Variants in RAPGEF6 observed in about 807,000 individuals in gnomAD.
The protein encoded by RAPGEF6 is Rap guanine nucleotide exchange factor 6.
RAPGEF6 carries 56 observed loss-of-function variants against 171.4 expected under a neutral mutation model. The observed-to-expected ratio is 0.33, with a 90% CI of 0.26 to 0.41. The LOEUF (loss-of-function observed/expected upper bound fraction) is 0.41, where lower values mean the gene tolerates loss of function less well. Ranked by LOEUF, RAPGEF6 falls within the 10% of genes least tolerant of loss-of-function variation. RAPGEF6 has a pLI of 1.00. For missense variants in RAPGEF6, 1,674 were observed against 1,921.4 expected (o/e 0.87, Z 2.41); for synonymous variants, 692 against 650.1 (o/e 1.06, Z -0.98).
intron 3 of RAPGEF6, among the ~76,000 whole-genome samples, chr5:131,596,799 T>C (rs1763931213): frequency 6.6e-6 from 1 of 151,798 alleles, no homozygotes; most frequent in African/African-American, 2.4e-5. Flanking sequence ...TGGAAGAAAA[T>C]AGGGGAAAAT....
At chr5:131,456,982 C>G (rs1753556708) in intron 19 of RAPGEF6, among the ~76,000 whole-genome samples, 1 of 152,198 alleles carries the variant, frequency 6.6e-6, no homozygotes, top group Non-Finnish European at 1.5e-5. Context: ...ATGTCTGCAG[C>G]TGAAGATACC....
chr5:131,481,374 T>C (rs914133696), intron 15 of RAPGEF6, among the ~76,000 whole-genome samples: 1 of 151,658 alleles, frequency 6.6e-6, no homozygotes, highest in Non-Finnish European at 1.5e-5. Flanking sequence ...ATTACAGGAG[T>C]GTGCCACCAT....
intron 9 of RAPGEF6, 144 bp from the exon 10 acceptor site, chr5:131,505,666 C>T (rs1435247729): frequency 2.9e-6 from 2 of 697,746 alleles, no homozygotes; most frequent in African/African-American, 1.8e-5. Flanking sequence ...TCTGTAACAC[C>T]CTATGCTTTG....
At chr5:131,512,939 A>G (rs981324237) in intron 7 of RAPGEF6, among the ~76,000 whole-genome samples, 1 of 152,194 alleles carries the variant, frequency 6.6e-6, no homozygotes, top group African/African-American at 2.4e-5. Flanking sequence ...AGCCTCAAGA[A>G]TAGTGAGAAA....
rs139051676 is a variant in RAPGEF6, at chr5:131,607,460, C to T, written c.70-2767G>A. Among the ~76,000 whole-genome samples the T allele has an allele frequency of 8.5e-3, 1,295 of 152,304 alleles. 5 individuals are homozygous for T. Among genetic ancestry groups the T allele is most frequent in the Middle Eastern group, 0.02 (6 of 294 alleles). ...ACTGATGTGGTGTTACTTTCCATTA[C>T]TTTACTTTCCATTCCAATTAGAAGA... On this transcript the variant is annotated intron_variant, in intron 1 of 27. Coordinates refer to ENST00000509018, the MANE Select transcript of RAPGEF6 (RefSeq NM_016340.6).
At chr5:131,517,780 TACACACACACACACACAC>T (rs36091456) in intron 7 of RAPGEF6, among the ~76,000 whole-genome samples, 1,760 of 140,482 alleles carry the variant, frequency 0.013, 18 homozygotes, top group Non-Finnish European at 0.02. Flanking sequence ...TTCGCGCATG[TACACACACACACACACAC>T]ACACACACAC....
intron 4 of RAPGEF6, among the ~76,000 whole-genome samples, chr5:131,592,114 C>T (rs1484416897): frequency 1.3e-5 from 2 of 152,138 alleles, no homozygotes; most frequent in Non-Finnish European, 1.5e-5. Context: ...CATCAGTCTC[C>T]CAAAGTGCTG....
At chr5:131,440,153 G>A (rs977352821) in intron 23 of RAPGEF6, 1 of 449,204 alleles carries the variant, frequency 2.2e-6, no homozygotes. Context: ...TACCTGTGGT[G>A]CATCTGTGCT....
At chr5:131,561,894 C>T in intron 5 of RAPGEF6, 84 bp downstream of exon 5, 2 of 1,005,772 alleles carry the variant, frequency 2.0e-6, no homozygotes, top group South Asian at 1.4e-5. Context: ...GTAATAAAAC[C>T]TCCTTAAGTG....
chr5:131,485,057 G>C (rs1324211396), intron 15 of RAPGEF6, among the ~76,000 whole-genome samples: 2 of 152,048 alleles, frequency 1.3e-5, no homozygotes, highest in African/African-American at 2.4e-5. Context: ...CTCCCAAGTA[G>C]CTGGGACTAC....
At position 131,455,985 on chromosome 5, in the gene RAPGEF6, T is replaced by C. The variant is rs143060576; in HGVS notation, c.2892A>G (p.Arg964=). The C allele has an allele frequency of 5.8e-4, 944 of 1,614,046 alleles. 2 individuals are homozygous for C. The highest frequency in any genetic ancestry group is 3.8e-3 in the African/African-American group (283 of 75,034). Residue 964 remains arginine (R), a synonymous_variant, in exon 20 of 28, where the codon AGA becomes AGG. Coordinates refer to ENST00000509018, the MANE Select transcript of RAPGEF6 (RefSeq NM_016340.6). Reference sequence around the variant, plus strand: ...GTAACTTTTCCCAAGTTCCTCTGAGTCTTGCTACAGATGCCAGGTTCAAGC... The same window carrying C: ...GTAACTTTTCCCAAGTTCCTCTGAGCCTTGCTACAGATGCCAGGTTCAAGC... ...ISGLNLASVA[R]LRGTWEKLPS... is the part of the protein sequence containing the mutation.
intron 6 of RAPGEF6, among the ~76,000 whole-genome samples, chr5:131,546,609 A>G (rs1760556430): frequency 6.6e-6 from 1 of 152,134 alleles, no homozygotes; most frequent in African/African-American, 2.4e-5. Flanking sequence ...ATCTCAAAAA[A>G]AAAAAATAAA....
intron 6 of RAPGEF6, among the ~76,000 whole-genome samples, chr5:131,523,155 T>C (rs909946962): frequency 1.3e-5 from 2 of 152,094 alleles, no homozygotes; most frequent in African/African-American, 4.8e-5. Context: ...AATAATAGGG[T>C]TACCAGACAC....
chr5:131,629,903 G>A (rs1056280978), intron 1 of RAPGEF6, among the ~76,000 whole-genome samples: 9 of 152,134 alleles, frequency 5.9e-5, no homozygotes, highest in African/African-American at 2.2e-4. Flanking sequence ...GGTTTCTTGA[G>A]ACAACCTGCT....
At chr5:131,624,164 A>C (rs80329147) in intron 1 of RAPGEF6, among the ~76,000 whole-genome samples, 166 of 152,362 alleles carry the variant, frequency 1.1e-3, no homozygotes, top group African/African-American at 3.5e-3. Flanking sequence ...ATTATTTCAC[A>C]TATATTATCT....
intron 16 of RAPGEF6, among the ~76,000 whole-genome samples, chr5:131,476,655 C>T (rs1400189988): frequency 2.0e-5 from 3 of 151,986 alleles, no homozygotes; most frequent in South Asian, 4.1e-4. Flanking sequence ...CCTCAGCCTC[C>T]CAAGCAGCTG....
intron 4 of RAPGEF6, among the ~76,000 whole-genome samples, chr5:131,580,612 A>T (rs1033826116): frequency 3.9e-5 from 6 of 152,220 alleles, no homozygotes; most frequent in Non-Finnish European, 8.8e-5. Flanking sequence ...GGTTATTCAT[A>T]GACACTATGT....
At chr5:131,430,476 G>A (rs1751629137) in intron 26 of RAPGEF6, among the ~76,000 whole-genome samples, 1 of 152,100 alleles carries the variant, frequency 6.6e-6, no homozygotes, top group Non-Finnish European at 1.5e-5. Flanking sequence ...CAGATTCAAT[G>A]TTTCTACCAC....
intron 11 of RAPGEF6, among the ~76,000 whole-genome samples, chr5:131,503,985 T>C (rs1004626652): frequency 1.3e-5 from 2 of 152,328 alleles, no homozygotes; most frequent in Admixed American, 1.3e-4. Flanking sequence ...CTTTTATGAC[T>C]GGTCCTTAAA....
Sources: allele counts gnomAD v4.1 joint callset (sites outside exome capture counted in the v4.1 genomes callset), GRCh38; gene constraint gnomAD v4.1.1; transcripts MANE v1.5; gene names NCBI Gene and HGNC (gene_info 2026-07-23, HGNC 2026-07-21).